Variants in RBFOX1 observed in about 807,000 individuals in gnomAD.
RBFOX1 encodes the protein RNA binding protein fox-1 homolog 1.
A neutral mutation model predicts 57.7 loss-of-function variants in RBFOX1; 8 were observed. The ratio of observed to expected loss-of-function variants is 0.14; its 90% CI spans 0.08 to 0.25. The LOEUF (loss-of-function observed/expected upper bound fraction) is 0.25, where lower values mean the gene tolerates loss of function less well. Among genes scored for constraint, RBFOX1 ranks in the 10% least tolerant of loss-of-function variants. The pLI, the probability that RBFOX1 is intolerant of heterozygous loss-of-function variation, is 1.00. For missense variants in RBFOX1, 611 were observed against 548.5 expected (o/e 1.11, Z -1.14); for synonymous variants, 326 against 222.4 (o/e 1.47, Z -4.15).
chr16:6,097,618 T>A lies in RBFOX1; in HGVS notation c.-127+77626T>A, dbSNP rs1567448161. Among the ~76,000 whole-genome samples, 1 of 152,148 alleles carries A rather than the reference T, an allele frequency of 6.6e-6. No homozygotes were observed. The highest frequency in any genetic ancestry group is 2.4e-5 in the African/African-American group (1 of 41,442). ...ATTCTCATTTCACAGATGAGAAAAA[T>A]GAGTCAGTAGGAGGAAAAGTGATTG... On this transcript the variant is annotated intron_variant, in intron 1 of 15. Transcript: ENST00000550418. This position sits in a 1 kb window ranked among gnomAD's most constrained non-coding sequence, Gnocchi z 5.0.
At chr16:6,669,152 A>G (rs983469244) in intron 3 of RBFOX1, among the ~76,000 whole-genome samples, 5 of 152,054 alleles carry the variant, frequency 3.3e-5, no homozygotes, top group Non-Finnish European at 7.4e-5. Context: ...AAGGTCAGAA[A>G]ACCCAGGGAT....
intron 2 of RBFOX1, among the ~76,000 whole-genome samples, chr16:6,393,932 G>C (rs1187134765): frequency 1.3e-5 from 2 of 152,188 alleles, no homozygotes; most frequent in African/African-American, 4.8e-5. Flanking sequence ...TGGAAGGAAA[G>C]AAGAAGAAAA....
intron 4 of RBFOX1, among the ~76,000 whole-genome samples, chr16:7,272,846 C>T (rs898576526): frequency 6.8e-6 from 1 of 146,606 alleles, no homozygotes; most frequent in African/African-American, 2.5e-5. Flanking sequence ...CCCTCCCTCC[C>T]TTCCCTTCTT....
At chr16:6,567,913 C>G (rs531216844) in intron 2 of RBFOX1, among the ~76,000 whole-genome samples, 2 of 152,200 alleles carry the variant, frequency 1.3e-5, no homozygotes, top group South Asian at 2.1e-4. Context: ...CTTGAACTGC[C>G]AGGCTCAAGC....
At chr16:6,868,180 C>G (rs1156658077) in intron 3 of RBFOX1, among the ~76,000 whole-genome samples, 3 of 152,062 alleles carry the variant, frequency 2.0e-5, no homozygotes, top group Admixed American at 6.5e-5. Flanking sequence ...TCATTGAAGT[C>G]TTTCAGTGCT....
chr16:6,900,750 C>T (rs1273028224), intron 3 of RBFOX1, among the ~76,000 whole-genome samples: 1 of 152,182 alleles, frequency 6.6e-6, no homozygotes, highest in Non-Finnish European at 1.5e-5. Context: ...AAACTGGGAT[C>T]TTCTGTCTAC....
intron 1 of RBFOX1, among the ~76,000 whole-genome samples, chr16:6,295,132 G>A (rs1012759286): frequency 1.9e-4 from 24 of 126,816 alleles, no homozygotes; most frequent in African/African-American, 7.0e-4. Flanking sequence ...TTTTTGAGAC[G>A]GGGTATCTCT....
chr16:7,635,917 TCTC>T (rs2061679152), intron 11 of RBFOX1, among the ~76,000 whole-genome samples: 1 of 152,160 alleles, frequency 6.6e-6, no homozygotes, highest in African/African-American at 2.4e-5. Flanking sequence ...TTCACACCAT[TCTC>T]CTGTCTCAGC....
chr16:6,551,457 GCTGT>G (rs1226993724), intron 2 of RBFOX1, among the ~76,000 whole-genome samples: 1 of 152,120 alleles, frequency 6.6e-6, no homozygotes, highest in East Asian at 1.9e-4. Flanking sequence ...ATAATTTTAC[GCTGT>G]CTAACATAAG....
chr16:5,560,112 T>G (rs1567231085), intron 2 of RBFOX1, among the ~76,000 whole-genome samples: 3 of 152,224 alleles, frequency 2.0e-5, no homozygotes, highest in Non-Finnish European at 4.4e-5. Context: ...ATTTATAGAA[T>G]AAATTTCTTC....
In RBFOX1 at chr16:7,480,155, G is replaced by C. The variant is rs77154228; in HGVS notation, c.28-37992G>C. On this transcript the variant is annotated intron_variant, in intron 4 of 15. Coordinates refer to ENST00000550418, the MANE Select transcript of RBFOX1 (RefSeq NM_018723.4). Reference sequence around the variant, plus strand: ...TGTTAAGCCTGTGTGTCTTGGGACAGCTACACACACTCTCTAAGTTACAGT... The same window carrying C: ...TGTTAAGCCTGTGTGTCTTGGGACACCTACACACACTCTCTAAGTTACAGT... Among the ~76,000 whole-genome samples the C allele has an allele frequency of 9.7e-3, 1,476 of 152,298 alleles. 28 individuals are homozygous for C. Among genetic ancestry groups the C allele is most frequent in the African/African-American group, 0.034 (1,428 of 41,558 alleles).
chr16:6,623,802 C>G (rs8046456), intron 2 of RBFOX1, among the ~76,000 whole-genome samples: 4,734 of 152,202 alleles, frequency 0.031, 235 homozygotes, highest in African/African-American at 0.1. Context: ...GCATAGTATT[C>G]TATGGTGTAT....
intron 1 of RBFOX1, among the ~76,000 whole-genome samples, chr16:5,358,784 G>A (rs548004156): frequency 1.6e-4 from 25 of 152,176 alleles, no homozygotes; most frequent in African/African-American, 3.4e-4. Context: ...CCGAGATCGC[G>A]CCATTGCACT....
chr16:5,241,014 TTA>T (rs2062153416), intron 1 of RBFOX1, among the ~76,000 whole-genome samples: 1 of 152,218 alleles, frequency 6.6e-6, no homozygotes, highest in Non-Finnish European at 1.5e-5. Flanking sequence ...CCAAATGTTT[TTA>T]TGTTTGACCA....
At chr16:7,585,269 C>T (rs1197921715) in intron 6 of RBFOX1, among the ~76,000 whole-genome samples, 1 of 152,084 alleles carries the variant, frequency 6.6e-6, no homozygotes, top group African/African-American at 2.4e-5. Context: ...CCTTCATTTC[C>T]CCAATCTGAA....
intron 3 of RBFOX1, among the ~76,000 whole-genome samples, chr16:5,848,931 A>T (rs1482845649): frequency 6.6e-6 from 1 of 151,954 alleles, no homozygotes; most frequent in Non-Finnish European, 1.5e-5. Context: ...CCTGGGTGAC[A>T]GGGAGAGACT....
chr16:6,932,044 A>G (rs947855711), intron 3 of RBFOX1, among the ~76,000 whole-genome samples: 3 of 152,094 alleles, frequency 2.0e-5, no homozygotes, highest in Admixed American at 6.5e-5. Flanking sequence ...GCAACAATCC[A>G]TTCTTGAGGG....
chr16:5,241,035 G>T (rs191699008), intron 1 of RBFOX1, among the ~76,000 whole-genome samples: 1 of 152,204 alleles, frequency 6.6e-6, no homozygotes, highest in Non-Finnish European at 1.5e-5. Context: ...CATTTGCTCA[G>T]CTGAGCTTGT....
intron 1 of RBFOX1, among the ~76,000 whole-genome samples, chr16:5,422,355 G>GGA (rs2067358343): frequency 8.3e-6 from 1 of 120,756 alleles, no homozygotes. Flanking sequence ...GGAGGGAGAA[G>GGA]GAGGGAGCAG....
Sources: allele counts gnomAD v4.1 joint callset (sites outside exome capture counted in the v4.1 genomes callset), GRCh38; gene constraint gnomAD v4.1.1; non-coding constraint Gnocchi (gnomAD v3.1); transcripts MANE v1.5; gene names NCBI Gene and HGNC (gene_info 2026-07-23, HGNC 2026-07-21).